Variants in INSR observed in about 807,000 individuals in gnomAD.
The protein encoded by INSR is IR.
A neutral mutation model predicts 142.6 loss-of-function variants in INSR; 67 were observed. The observed-to-expected ratio is 0.47, with a 90% CI of 0.39 to 0.58. The LOEUF (loss-of-function observed/expected upper bound fraction) is 0.58. INSR is among the 20% of genes least tolerant of loss of function. The pLI, the probability that INSR is intolerant of heterozygous loss-of-function variation, is 0.00. For missense variants in INSR, 1,248 were observed against 1,833.2 expected, an observed-to-expected ratio of 0.68 and a Z score of 5.83; for synonymous variants, 756 against 743.1, an observed-to-expected ratio of 1.02 and a Z score of -0.28.
rs1009100344 is a variant in INSR at position 7,119,085 on chromosome 19, G to C, written c.3794+364C>G. 6.6e-6 allele frequency among the ~76,000 whole-genome samples: 1 copy of C among 152,098 alleles called. No homozygotes were observed. ...ATGATTTGTGAACACAAGCAGGCAGGTAAAGACATAATATGTAAACATGTG... is the reference window on the plus strand; with the variant it reads ...ATGATTTGTGAACACAAGCAGGCAGCTAAAGACATAATATGTAAACATGTG... On this transcript the variant is annotated intron_variant, in intron 21 of 21. Coordinates refer to ENST00000302850, the MANE Select transcript of INSR (RefSeq NM_000208.4). The surrounding 1 kb of genome is among the most constrained non-coding windows in gnomAD (Gnocchi z 5.2).
chr19:7,134,454 T>TTC (rs934030898), intron 13 of INSR, among the ~76,000 whole-genome samples: 34 of 151,592 alleles, frequency 2.2e-4, no homozygotes, highest in Non-Finnish European at 4.7e-4. Context: ...TTTCGATTTT[T>TTC]TTTTTTTTAA....
chr19:7,197,096 T>C (rs1010836918), intron 2 of INSR, among the ~76,000 whole-genome samples: 1 of 152,218 alleles, frequency 6.6e-6, no homozygotes, highest in Non-Finnish European at 1.5e-5. Context: ...GGTGAACTTT[T>C]GACAGCTTCG....
In INSR at chr19:7,150,903, T is replaced by C. The variant is rs547963970; in HGVS notation, c.2232-371A>G. On this transcript the variant is annotated intron_variant, in intron 10 of 21. Coordinates refer to ENST00000302850, the MANE Select transcript of INSR (RefSeq NM_000208.4). The surrounding 1 kb of genome is among the most constrained non-coding windows in gnomAD (Gnocchi z 4.2). ...CTCTCTCTTTCTGGTTTCTTTCCTCTTTCTCCTTTTCTTTTCTCTTTCTCT... is the reference window on the plus strand; with the variant it reads ...CTCTCTCTTTCTGGTTTCTTTCCTCCTTCTCCTTTTCTTTTCTCTTTCTCT... Among the ~76,000 whole-genome samples, 3 of 152,224 alleles carry C rather than the reference T, an allele frequency of 2.0e-5. No homozygotes were observed. The East Asian group carries it at 5.8e-4, about 29-fold the overall frequency.
chr19:7,190,925 C>T (rs777923124), intron 2 of INSR, among the ~76,000 whole-genome samples: 1 of 152,084 alleles, frequency 6.6e-6, no homozygotes, highest in Non-Finnish European at 1.5e-5. Context: ...CTTAGTAATT[C>T]TACAATGTAA....
chr19:7,268,709 G>T, intron 1 of INSR: 1 of 516,424 alleles, frequency 1.9e-6, no homozygotes, highest in Non-Finnish European at 2.5e-6. Context: ...AGTAAGTGCT[G>T]CACTAATGTC....
chr19:7,205,210 G>T (rs987453546), intron 2 of INSR, among the ~76,000 whole-genome samples: 1 of 152,186 alleles, frequency 6.6e-6, no homozygotes. Flanking sequence ...CAAGCTAATG[G>T]TTAGAACAGA....
rs1258335455 is a variant in INSR, at chr19:7,198,953, C to G, written c.653-14316G>C. Among the ~76,000 whole-genome samples the G allele has an allele frequency of 2.0e-5, 3 of 151,726 alleles. No homozygotes were observed. In the East Asian group the frequency reaches 5.8e-4, roughly 29 times the overall value. ...GGCTGGAGTGCAGTGGTGTGATCATCGCCCACTGCAGCCTCAAACTCCTGG... is the reference window on the plus strand; with the variant it reads ...GGCTGGAGTGCAGTGGTGTGATCATGGCCCACTGCAGCCTCAAACTCCTGG... On this transcript the variant is annotated intron_variant, in intron 2 of 21. Transcript: ENST00000302850.
chr19:7,117,316 T>C lies in INSR; in HGVS notation c.3889A>G (p.Ser1297Gly), dbSNP rs113527718. Reference sequence around the variant, plus strand: ...TGGAAGAACGACACCTCTGGAAAGCTGGGGTGCAGGTCGTCCTTGAGCAGG... The same window carrying C: ...TGGAAGAACGACACCTCTGGAAAGCCGGGGTGCAGGTCGTCCTTGAGCAGG... ...VNLLKDDLHPSFPEVSFFHSE... is the reference protein window; with the variant it reads ...VNLLKDDLHPGFPEVSFFHSE... The change falls in exon 22 of 22, where the codon AGC (serine) becomes GGC (glycine). Residue 1297 changes from serine (S) to glycine (G), a missense_variant. Ser to Gly is a moderately conservative substitution (Grantham distance 56, BLOSUM62 0). Coordinates refer to ENST00000302850, the MANE Select transcript of INSR (RefSeq NM_000208.4). 9 of 1,614,020 alleles carry C rather than the reference T, an allele frequency of 5.6e-6. No homozygotes were observed. The African/African-American group carries it at 1.2e-4, about 22-fold the overall frequency.
At chr19:7,151,162 CTCTTTCTTTCTTTCTT>C (rs1218566297) in intron 10 of INSR, among the ~76,000 whole-genome samples, 3,030 of 45,836 alleles carry the variant, frequency 0.066, 66 homozygotes, top group Middle Eastern at 0.083. Flanking sequence ...TTCTTTCTTT[CTCTTTCTTTCTTTCTT>C]TCTTTCTTTC....
chr19:7,269,038 C>CCACCCA (rs1555690134), intron 1 of INSR, among the ~76,000 whole-genome samples: 68 of 146,956 alleles, frequency 4.6e-4, no homozygotes, highest in Non-Finnish European at 8.5e-4. Flanking sequence ...ACCCACACAC[C>CCACCCA]CACACACACA....
At chr19:7,201,725 C>G (rs111516445) in intron 2 of INSR, among the ~76,000 whole-genome samples, 301 of 139,928 alleles carry the variant, frequency 2.2e-3, no homozygotes, top group South Asian at 5.0e-3. Flanking sequence ...TGCAGTGGCG[C>G]GATCTCGGCT....
intron 2 of INSR, among the ~76,000 whole-genome samples, chr19:7,232,261 G>C (rs1215477355): frequency 6.6e-6 from 1 of 151,858 alleles, no homozygotes; most frequent in Non-Finnish European, 1.5e-5. Flanking sequence ...ACCCCGGCTG[G>C]AGTACAATGG....
chr19:7,293,342 G>T (rs1968548001), intron 1 of INSR, among the ~76,000 whole-genome samples: 1 of 152,216 alleles, frequency 6.6e-6, no homozygotes, highest in Non-Finnish European at 1.5e-5. Context: ...TCACCCACCG[G>T]TGAGGCACTC....
At chr19:7,266,426 C>T (rs1967730426) in intron 2 of INSR, among the ~76,000 whole-genome samples, 1 of 147,770 alleles carries the variant, frequency 6.8e-6, no homozygotes, top group African/African-American at 2.5e-5. Flanking sequence ...CCTCTGGTTG[C>T]CCAGGGTGGA....
At chr19:7,165,843 A>C (rs1314815358) in intron 8 of INSR, among the ~76,000 whole-genome samples, 1 of 150,298 alleles carries the variant, frequency 6.7e-6, no homozygotes, top group Non-Finnish European at 1.5e-5. Context: ...AGTCCGGGTG[A>C]CAGAGTGAGA....
chr19:7,242,702 T>TG (rs776322185), intron 2 of INSR, among the ~76,000 whole-genome samples: 1 of 118,006 alleles, frequency 8.5e-6, no homozygotes, highest in African/African-American at 3.5e-5. Flanking sequence ...GCACCACTGC[T>TG]CTCCAGCCTG....
chr19:7,176,007 G>A (rs1974127317), intron 3 of INSR, among the ~76,000 whole-genome samples: 1 of 152,138 alleles, frequency 6.6e-6, no homozygotes, highest in Non-Finnish European at 1.5e-5. Flanking sequence ...ACCCCAAAGT[G>A]ATGGGACAGG....
intron 1 of INSR, among the ~76,000 whole-genome samples, chr19:7,280,133 A>G (rs147854906): frequency 0.042 from 6,311 of 150,672 alleles, 398 homozygotes; most frequent in African/African-American, 0.14. Flanking sequence ...GCGTGGTGGC[A>G]GGCGCCTGTA....
At chr19:7,251,555 C>T (rs1467748293) in intron 2 of INSR, among the ~76,000 whole-genome samples, 2 of 149,266 alleles carry the variant, frequency 1.3e-5, no homozygotes, top group Admixed American at 6.6e-5. Context: ...GCCACCATGC[C>T]CGGCCATCAA....
Sources: gnomAD v4.1 joint callset for allele counts (sites outside exome capture counted in the v4.1 genomes callset) on GRCh38, gnomAD v4.1.1 for gene constraint, Gnocchi (gnomAD v3.1) non-coding constraint, MANE v1.5 for transcripts, NCBI Gene and HGNC (gene_info 2026-07-23, HGNC 2026-07-21) for gene names.